Variants in ZFAT observed in about 807,000 individuals in gnomAD.
ZFAT encodes zinc finger and AT-hook domain containing, also known as zinc finger protein ZFAT.
Under a neutral mutation model 117.7 loss-of-function variants are expected in ZFAT, and 64 were observed. That is an observed-to-expected ratio of 0.54 (90% CI 0.44 to 0.67). The LOEUF is 0.67. Ranked by LOEUF, ZFAT falls within the 30% of genes least tolerant of loss-of-function variation. The pLI is 0.00. For synonymous variants in ZFAT, 679 were observed against 615.0 expected (o/e 1.10, Z -1.54); for missense variants, 1,433 against 1,584.5 (o/e 0.90, Z 1.62).
intron 1 of ZFAT, among the ~76,000 whole-genome samples, chr8:134,682,021 T>C (rs1485668151): frequency 6.6e-6 from 1 of 152,224 alleles, no homozygotes; most frequent in Non-Finnish European, 1.5e-5. Context: ...GAATAAACTA[T>C]GTCATCAACT....
chr8:134,642,432 A>G (rs527450298), intron 2 of ZFAT, among the ~76,000 whole-genome samples: 1 of 152,296 alleles, frequency 6.6e-6, no homozygotes, highest in South Asian at 2.1e-4. Context: ...ATCCATTACA[A>G]TGCTGGGCAC....
At chr8:134,652,321 G>A (rs1831292949) in intron 2 of ZFAT, among the ~76,000 whole-genome samples, 1 of 152,104 alleles carries the variant, frequency 6.6e-6, no homozygotes, top group African/African-American at 2.4e-5. Context: ...ACAATAACCA[G>A]GAGAGTTCAT....
At chr8:134,773,982 T>C in the ZFAT span, among the ~76,000 whole-genome samples, 1 of 104,518 alleles carries the variant, frequency 9.6e-6, no homozygotes, top group East Asian at 2.7e-4. Context: ...GCTTGAGGAT[T>C]AATTTTTTTT....
At position 134,480,125 on chromosome 8, in the gene ZFAT, T is replaced by C. The variant is rs1045974354; in HGVS notation, c.3493-1404A>G. ...TATAGGTATGTGCCACCACACCCAA[T>C]GAATTTTTGTATTTTTGGTAGAGAC... On this transcript the variant is annotated intron_variant, in intron 15 of 15. Transcript: ENST00000377838. Among the ~76,000 whole-genome samples the C allele has an allele frequency of 3.9e-5, 6 of 151,954 alleles. No individual in the cohort carries two copies. In the East Asian group the frequency reaches 1.2e-3, roughly 29 times the overall value.
At chr8:134,794,518 C>T in the ZFAT span, 12 of 152,286 alleles carry the variant, frequency 7.9e-5, no homozygotes, top group Middle Eastern at 3.4e-3. Context: ...CAACCTGGAC[C>T]GCATAAAGCT....
the ZFAT span, among the ~76,000 whole-genome samples, chr8:134,829,062 T>G: frequency 6.6e-6 from 1 of 152,214 alleles, no homozygotes; most frequent in African/African-American, 2.4e-5. Flanking sequence ...CAAGGTGCTT[T>G]TGATACTCCA....
the ZFAT span, among the ~76,000 whole-genome samples, chr8:134,768,955 T>C: frequency 2.0e-5 from 3 of 152,270 alleles, no homozygotes; most frequent in East Asian, 5.8e-4. Context: ...GGCAGATTGC[T>C]TGAGGCCAGG....
At chr8:134,659,126 C>G (rs542394744) in intron 1 of ZFAT, among the ~76,000 whole-genome samples, 2 of 152,204 alleles carry the variant, frequency 1.3e-5, no homozygotes, top group Admixed American at 1.3e-4. Context: ...TGATGCTGGA[C>G]AAATACATGG....
At chr8:134,819,319 G>A in the ZFAT span, among the ~76,000 whole-genome samples, 2 of 151,716 alleles carry the variant, frequency 1.3e-5, no homozygotes, top group Non-Finnish European at 2.9e-5. Flanking sequence ...TGAAGGATAC[G>A]GATTAAAAGA....
In ZFAT at chr8:134,531,493, G is replaced by A. The variant is rs117855280; in HGVS notation, c.3115+1341C>T. 1.9e-3 allele frequency among the ~76,000 whole-genome samples: 292 copies of A among 152,298 alleles called. 4 individuals carry two copies. In the East Asian group the frequency reaches 0.043, roughly 22 times the overall value. On this transcript the variant is annotated intron_variant, in intron 12 of 15. Transcript: ENST00000377838. ...CAAAAGCAAGGACTGAACATGTACT[G>A]CATGCACGTGTTTTTCCATTTAATC... is the stretch of plus-strand genomic sequence containing the variant.
Position 134,602,561 on chromosome 8 carries a change from C to T in ZFAT, c.1158G>A (p.Glu386=). 3 of 1,614,084 alleles carry T rather than the reference C, an allele frequency of 1.9e-6. No individual in the cohort carries two copies. Among genetic ancestry groups the T allele is most frequent in the South Asian group, 2.2e-5 (2 of 91,080 alleles). The stretch of plus-strand genomic sequence containing the variant: ...TCATCAGGCAGAGCTCGTCCAAGGC[C>T]TCTTTGACCTTCTTGTCCTGTGGGT... ...AHDPQDKKVK[E]ALDELCLMTR... is the part of the protein sequence containing the mutation. Residue 386 remains glutamate (E), a synonymous_variant, in exon 6 of 16, where the codon GAG becomes GAA. Coordinates refer to ENST00000377838, the MANE Select transcript of ZFAT (RefSeq NM_020863.4).
chr8:134,655,328 T>A (rs184327095), intron 2 of ZFAT, among the ~76,000 whole-genome samples: 18 of 152,354 alleles, frequency 1.2e-4, no homozygotes, highest in Admixed American at 1.2e-3. Flanking sequence ...TCTGCTTTTT[T>A]AGCATTTATT....
At chr8:134,779,790 C>T in the ZFAT span, among the ~76,000 whole-genome samples, 3 of 152,174 alleles carry the variant, frequency 2.0e-5, no homozygotes, top group Non-Finnish European at 2.9e-5. Context: ...GCTGCTTGAA[C>T]ATAAAACCTG....
chr8:134,777,117 T>C, the ZFAT span, among the ~76,000 whole-genome samples: 6 of 152,204 alleles, frequency 3.9e-5, no homozygotes, highest in African/African-American at 1.4e-4. Context: ...TTATCTTGAT[T>C]TTTAGTTTCT....
chr8:134,526,340 T>G (rs1821024000), intron 12 of ZFAT, among the ~76,000 whole-genome samples: 1 of 152,240 alleles, frequency 6.6e-6, no homozygotes, highest in Admixed American at 6.5e-5. Flanking sequence ...AATGTATAAC[T>G]ATGCCAGTTA....
At position 134,564,680 on chromosome 8, in the gene ZFAT, T is replaced by C. The variant is rs1824298432; in HGVS notation, c.2976+653A>G. ...GTGTGCCATGTGTGCCATGTTGCTGTGCCAGCAACAGCAGTAATTCTCAGG... is the reference window on the plus strand; with the variant it reads ...GTGTGCCATGTGTGCCATGTTGCTGCGCCAGCAACAGCAGTAATTCTCAGG... On this transcript the variant is annotated intron_variant, in intron 11 of 15. Coordinates refer to ENST00000377838, the MANE Select transcript of ZFAT (RefSeq NM_020863.4). 3.3e-5 allele frequency among the ~76,000 whole-genome samples: 5 copies of C among 152,248 alleles called. No homozygotes were observed. In the South Asian group the frequency reaches 8.3e-4, roughly 25 times the overall value.
At chr8:134,700,026 T>C (rs1833968550) in intron 1 of ZFAT, among the ~76,000 whole-genome samples, 1 of 152,242 alleles carries the variant, frequency 6.6e-6, no homozygotes, top group South Asian at 2.1e-4. Context: ...AGCTGCAAGC[T>C]GCCTCTGATG....
chr8:134,581,024 G>T (rs1825676649), intron 10 of ZFAT, among the ~76,000 whole-genome samples: 1 of 151,994 alleles, frequency 6.6e-6, no homozygotes, highest in Non-Finnish European at 1.5e-5. Flanking sequence ...GGCAAATGAT[G>T]ACAAAGTATT....
chr8:134,649,828 C>A (rs1193072764), intron 2 of ZFAT, among the ~76,000 whole-genome samples: 1 of 152,206 alleles, frequency 6.6e-6, no homozygotes, highest in African/African-American at 2.4e-5. Context: ...CCACCCAAAT[C>A]TCACCTCGAA....
Sources: gnomAD v4.1 joint callset for allele counts (sites outside exome capture counted in the v4.1 genomes callset) on GRCh38, gnomAD v4.1.1 for gene constraint, MANE v1.5 for transcripts, NCBI Gene and HGNC (gene_info 2026-07-23, HGNC 2026-07-21) for gene names.